GOLGA5: variants seen among roughly 807,000 people sequenced by gnomAD.
The protein encoded by GOLGA5 is golgin subfamily A member 5.
GOLGA5 carries 50 observed loss-of-function variants against 93.5 expected under a neutral mutation model. That is an observed-to-expected ratio of 0.53 (90% confidence interval 0.43 to 0.68). The LOEUF (loss-of-function observed/expected upper bound fraction) is 0.68, where lower values mean the gene tolerates loss of function less well. Among genes scored for constraint, GOLGA5 ranks in the 30% least tolerant of loss-of-function variants. The probability of loss-of-function intolerance (pLI) is 0.00; values close to 1 mark genes in which losing one functional copy is unlikely to be tolerated. For missense variants in GOLGA5, 760 were observed against 856.4 expected (o/e 0.89, Z 1.40); for synonymous variants, 312 against 304.5 (o/e 1.02, Z -0.26).
intron 7 of GOLGA5, among the ~76,000 whole-genome samples, 181 bp downstream of exon 7, chr14:92,816,602 TG>T (rs1665701349): frequency 6.6e-6 from 1 of 152,232 alleles, no homozygotes; most frequent in Non-Finnish European, 1.5e-5. Context: ...GATCTTGCTC[TG>T]TCTCCCAGCC....
intron 6 of GOLGA5, among the ~76,000 whole-genome samples, chr14:92,814,248 A>G (rs941960441): frequency 3.9e-5 from 6 of 152,198 alleles, no homozygotes; most frequent in African/African-American, 1.4e-4. Context: ...GGGCAAAAGG[A>G]TAGCCTGCAA....
intron 2 of GOLGA5, among the ~76,000 whole-genome samples, chr14:92,804,406 A>G (rs1404191636): frequency 6.6e-6 from 1 of 151,558 alleles, no homozygotes; most frequent in Non-Finnish European, 1.5e-5. Flanking sequence ...AGAAATTTCA[A>G]ACATACCAAA....
At chr14:92,836,942 G>A (rs887618523) in intron 11 of GOLGA5, among the ~76,000 whole-genome samples, 19 of 151,910 alleles carry the variant, frequency 1.3e-4, no homozygotes, top group South Asian at 4.2e-4. Context: ...TGGTAGTGGC[G>A]CACCTGTAAT....
At chr14:92,796,607 G>A (rs1364133547) in intron 1 of GOLGA5, among the ~76,000 whole-genome samples, 1 of 152,060 alleles carries the variant, frequency 6.6e-6, no homozygotes. Flanking sequence ...TCTGAGGTCT[G>A]GGGGTTAGGA....
intron 12 of GOLGA5, among the ~76,000 whole-genome samples, chr14:92,839,005 T>C (rs1885704810): frequency 6.6e-6 from 1 of 152,248 alleles, no homozygotes; most frequent in African/African-American, 2.4e-5. Context: ...CGAACATTGG[T>C]TAAACTCTCT....
intron 2 of GOLGA5, among the ~76,000 whole-genome samples, chr14:92,802,623 G>A (rs1242228774): frequency 1.3e-5 from 2 of 151,742 alleles, no homozygotes; most frequent in Non-Finnish European, 2.9e-5. Flanking sequence ...TCCCATAAAT[G>A]TCTAGTTTGA....
intron 1 of GOLGA5, among the ~76,000 whole-genome samples, chr14:92,796,317 A>C (rs1179385463): frequency 6.6e-6 from 1 of 152,198 alleles, no homozygotes; most frequent in Non-Finnish European, 1.5e-5. Flanking sequence ...TGCTGTAGCA[A>C]AGTACCACAG....
intron 9 of GOLGA5, among the ~76,000 whole-genome samples, chr14:92,825,871 A>AAAC (rs1885409985): frequency 6.6e-6 from 1 of 150,880 alleles, no homozygotes; most frequent in African/African-American, 2.4e-5. Context: ...AAAAAAGAAA[A>AAAC]AACAACCATA....
chr14:92,794,394 C>G lies in GOLGA5; in HGVS notation c.-93C>G, dbSNP rs1437052700. ...CAGCTTGGGCCCCCTCCGGGCCAGC[C>G]GCCGAGGGGGCGCGGCCCAGGACGG... On this transcript the variant is annotated 5_prime_UTR_variant, in exon 1 of 13. Transcript: ENST00000163416. The G allele has an allele frequency of 6.6e-6, 1 of 152,306 alleles. No homozygotes were observed. The highest frequency in any genetic ancestry group is 2.4e-5 in the African/African-American group (1 of 41,468). 9.4% of individuals were successfully genotyped at this position (152,306 alleles called of 1,614,324 possible).
chr14:92,836,111 A>G (rs1885636202), intron 11 of GOLGA5, among the ~76,000 whole-genome samples: 1 of 152,036 alleles, frequency 6.6e-6, no homozygotes, highest in Non-Finnish European at 1.5e-5. Context: ...ATTGTATTAT[A>G]TATTTTATAT....
chr14:92,813,976 G>A (rs1037369179), intron 6 of GOLGA5, among the ~76,000 whole-genome samples: 7 of 152,034 alleles, frequency 4.6e-5, no homozygotes. Context: ...ATGACTCCAG[G>A]TTTTTGGTTT....
rs368756097 is a variant in GOLGA5, at chr14:92,833,329, G to A, written c.1927G>A (p.Gly643Arg). ...TAATGGGTCTTCGATTAATATGTCT[G>A]GAATTGACAATGGTGAAGGTAATCA... ...SSNGSSINMSGIDNGEGTRLR... is the reference protein window; with the variant it reads ...SSNGSSINMSRIDNGEGTRLR... The change falls in exon 10 of 13, where the codon GGA becomes AGA. Residue 643 changes from glycine to arginine, a missense_variant. By Grantham distance (125) the Gly-to-Arg change is moderately radical. Transcript: ENST00000163416. 4.3e-5 allele frequency: 69 copies of A among 1,601,758 alleles called. No homozygotes were observed. Among genetic ancestry groups the A allele is most frequent in the Non-Finnish European group, 5.4e-5 (63 of 1,168,922 alleles).
At chr14:92,820,399 AC>A (rs1885292622) in intron 8 of GOLGA5, among the ~76,000 whole-genome samples, 1 of 152,244 alleles carries the variant, frequency 6.6e-6, no homozygotes, top group Non-Finnish European at 1.5e-5. Context: ...GCCTCCAGTC[AC>A]AGGGCGGTTT....
intron 11 of GOLGA5, 34 bp from the exon 12 acceptor site, chr14:92,837,352 C>G: frequency 9.2e-7 from 1 of 1,086,988 alleles, no homozygotes; most frequent in Non-Finnish European, 1.4e-6. Flanking sequence ...TGACTCTTCT[C>G]TCTCCTCTCC....
At chr14:92,823,495 C>A (rs1885356044) in intron 8 of GOLGA5, among the ~76,000 whole-genome samples, 1 of 151,472 alleles carries the variant, frequency 6.6e-6, no homozygotes. Flanking sequence ...CTCACTGCAG[C>A]CTCGACCTCC....
intron 2 of GOLGA5, among the ~76,000 whole-genome samples, chr14:92,798,430 A>C (rs1190920205): frequency 6.6e-6 from 1 of 152,180 alleles, no homozygotes; most frequent in East Asian, 1.9e-4. Context: ...TCCACAAATA[A>C]AGCTGAGAGA....
Position 92,815,699 on chromosome 14 carries a change from C to CTT in GOLGA5, c.1321-530_1321-529dup, listed in dbSNP as rs571410551. 3.7e-3 allele frequency among the ~76,000 whole-genome samples: 338 copies of CTT among 91,232 alleles called. 3 individuals carry two copies. Among genetic ancestry groups the CTT allele is most frequent in the African/African-American group, 0.013 (287 of 21,752 alleles). The allele number at this position is 91,232 out of a possible 152,430, so 59.9% of individuals were successfully genotyped here. A position where few individuals can be genotyped will look rare whatever the true frequency, so the allele number is the denominator to read the frequency against. On this transcript the variant is annotated intron_variant, in intron 6 of 12. Transcript: ENST00000163416. ...TAAATAAACACAAATTTTTTTTAAT[C>CTT]TTTTTTTTTTTTTTTTTTTTTTTAG...
intron 6 of GOLGA5, among the ~76,000 whole-genome samples, chr14:92,815,453 CATT>C (rs1226432855): frequency 6.6e-6 from 1 of 152,128 alleles, no homozygotes; most frequent in Non-Finnish European, 1.5e-5. Context: ...TAGAGAGAGA[CATT>C]ATCTTTATTG....
At chr14:92,823,747 T>C (rs937891291) in intron 8 of GOLGA5, among the ~76,000 whole-genome samples, 6 of 152,272 alleles carry the variant, frequency 3.9e-5, no homozygotes, top group Admixed American at 3.9e-4. Context: ...TCCATATGAA[T>C]ACTAGAATAA....
Sources: gnomAD v4.1 joint callset for allele counts (sites outside exome capture counted in the v4.1 genomes callset) on GRCh38, gnomAD v4.1.1 for gene constraint, MANE v1.5 for transcripts, NCBI Gene and HGNC (gene_info 2026-07-23, HGNC 2026-07-21) for gene names.